OR9Q1: variants seen among roughly 807,000 people sequenced by gnomAD.
OR9Q1 encodes olfactory receptor family 9 subfamily Q member 1, also known as olfactory receptor 9Q1.
For missense variants in OR9Q1, 374 were observed against 378.8 expected, an observed-to-expected ratio of 0.99 and a Z score of 0.11; for synonymous variants, 153 against 148.6, an observed-to-expected ratio of 1.03 and a Z score of -0.22.
intron 2 of OR9Q1, among the ~76,000 whole-genome samples, chr11:58,174,825 G>T (rs1253379552): frequency 6.6e-6 from 1 of 151,466 alleles, no homozygotes; most frequent in Non-Finnish European, 1.5e-5. Flanking sequence ...AAGATTTAAG[G>T]CCAGGCGCAG....
intron 1 of OR9Q1, among the ~76,000 whole-genome samples, chr11:58,039,701 C>T (rs2119936555): frequency 6.6e-6 from 1 of 152,274 alleles, no homozygotes; most frequent in South Asian, 2.1e-4. Flanking sequence ...AAAACAGTTT[C>T]ACAATAGATA....
chr11:58,025,666 T>C (rs1245138056), intron 1 of OR9Q1, among the ~76,000 whole-genome samples: 1 of 152,216 alleles, frequency 6.6e-6, no homozygotes. Context: ...CCATCAGATA[T>C]TCATTCCGTT....
intron 2 of OR9Q1, among the ~76,000 whole-genome samples, chr11:58,106,684 A>G (rs1853843564): frequency 6.6e-6 from 1 of 152,264 alleles, no homozygotes; most frequent in South Asian, 2.1e-4. Flanking sequence ...TGCATAACGT[A>G]GGGTCCAGTG....
chr11:58,171,894 C>A (rs145409396), intron 2 of OR9Q1, among the ~76,000 whole-genome samples: 21 of 152,078 alleles, frequency 1.4e-4, no homozygotes. Context: ...CTAGGGGAAG[C>A]AATGTAAGAC....
chr11:58,135,039 C>T (rs1379646804), intron 2 of OR9Q1, among the ~76,000 whole-genome samples: 1 of 152,130 alleles, frequency 6.6e-6, no homozygotes, highest in Non-Finnish European at 1.5e-5. Flanking sequence ...ATTTCATCCC[C>T]ACAACACTCC....
chr11:58,085,614 C>G (rs1010194936), intron 2 of OR9Q1, among the ~76,000 whole-genome samples: 4 of 151,720 alleles, frequency 2.6e-5, no homozygotes, highest in African/African-American at 9.7e-5. Context: ...ATAAATTTGA[C>G]TACTTTGGAT....
intron 2 of OR9Q1, among the ~76,000 whole-genome samples, chr11:58,167,272 T>C (rs1282526852): frequency 6.6e-6 from 1 of 152,214 alleles, no homozygotes; most frequent in African/African-American, 2.4e-5. Flanking sequence ...CATACATTTC[T>C]ATATTTACTC....
At chr11:58,128,110 C>T (rs921444) in intron 2 of OR9Q1, among the ~76,000 whole-genome samples, 117,219 of 151,748 alleles carry the variant, frequency 0.77, 45,384 homozygotes, top group East Asian at 0.9. Context: ...TCAAAATGAG[C>T]ATCACTAGAT....
intron 2 of OR9Q1, among the ~76,000 whole-genome samples, chr11:58,060,712 C>T (rs1009633936): frequency 6.6e-6 from 1 of 152,158 alleles, no homozygotes; most frequent in Non-Finnish European, 1.5e-5. Context: ...GTGGCTCATG[C>T]TTGTAATTCC....
chr11:58,038,281 A>G (rs892170738), intron 1 of OR9Q1, among the ~76,000 whole-genome samples: 3 of 152,190 alleles, frequency 2.0e-5, no homozygotes, highest in African/African-American at 4.8e-5. Flanking sequence ...TGATAGCTAA[A>G]TTTTTAAAGC....
intron 2 of OR9Q1, among the ~76,000 whole-genome samples, chr11:58,065,241 G>A (rs773253188): frequency 2.6e-5 from 4 of 152,166 alleles, no homozygotes; most frequent in Non-Finnish European, 5.9e-5. Context: ...TAAGGACACA[G>A]GTGACACAGA....
rs1403009184 is a variant in OR9Q1 at position 58,102,848 on chromosome 11, A to C, written c.-15+46901A>C. 5.3e-5 allele frequency among the ~76,000 whole-genome samples: 8 copies of C among 152,070 alleles called. No homozygotes were observed. In the East Asian group the frequency reaches 1.5e-3, roughly 29 times the overall value. On this transcript the variant is annotated intron_variant, in intron 2 of 2. Coordinates refer to ENST00000335397, the MANE Select transcript of OR9Q1 (RefSeq NM_001005212.4). ...TTTTCAGCTATTATTTCATTAAATA[A>C]GTTTTCTACACTTTCCCCCATCTCT...
At chr11:58,024,857 CAG>C (rs1223165615) in intron 1 of OR9Q1, among the ~76,000 whole-genome samples, 1 of 152,174 alleles carries the variant, frequency 6.6e-6, no homozygotes, top group Non-Finnish European at 1.5e-5. Flanking sequence ...AAATTAACCT[CAG>C]AGTCAGGGCA....
At chr11:58,045,547 C>A (rs1853208332) in intron 1 of OR9Q1, among the ~76,000 whole-genome samples, 1 of 151,958 alleles carries the variant, frequency 6.6e-6, no homozygotes, top group Non-Finnish European at 1.5e-5. Flanking sequence ...ATGATATGTG[C>A]TTTGAAGGTG....
intron 2 of OR9Q1, chr11:58,117,761 A>G (rs1853971963): frequency 6.6e-6 from 1 of 152,172 alleles, no homozygotes; most frequent in African/African-American, 2.4e-5. Flanking sequence ...GCCTTCAGAA[A>G]TGAGAGAGCT....
intron 2 of OR9Q1, chr11:58,072,238 T>C (rs989776733): frequency 6.6e-6 from 1 of 152,222 alleles, no homozygotes; most frequent in African/African-American, 2.4e-5. Context: ...TTGCTCAATT[T>C]ACTTCGTAGT....
chr11:58,057,150 A>T (rs1853336676), intron 2 of OR9Q1, among the ~76,000 whole-genome samples: 1 of 151,692 alleles, frequency 6.6e-6, no homozygotes, highest in African/African-American at 2.4e-5. Context: ...ACGCCATTAC[A>T]CCTGGTTAAT....
At chr11:58,052,966 T>C (rs1046514441) in intron 1 of OR9Q1, among the ~76,000 whole-genome samples, 6 of 151,422 alleles carry the variant, frequency 4.0e-5, no homozygotes, top group Non-Finnish European at 5.9e-5. Flanking sequence ...CTGGAGAGGA[T>C]GTGGAGAAAT....
chr11:58,083,132 T>C (rs1052186674), intron 2 of OR9Q1, among the ~76,000 whole-genome samples: 1 of 152,038 alleles, frequency 6.6e-6, no homozygotes, highest in Non-Finnish European at 1.5e-5. Context: ...TCTTCTAGAG[T>C]TTTTACGGAG....
Sources: allele counts gnomAD v4.1 joint callset (sites outside exome capture counted in the v4.1 genomes callset), GRCh38; gene constraint gnomAD v4.1.1; transcripts MANE v1.5; gene names NCBI Gene and HGNC (gene_info 2026-07-23, HGNC 2026-07-21).